The following ROBO2 variants were observed in gnomAD, a reference collection of about 807,000 sequenced individuals.
ROBO2 encodes roundabout guidance receptor 2.
In ROBO2, 53 loss-of-function variants were observed where a neutral mutation model predicts 160.8. The ratio of observed to expected loss-of-function variants is 0.33; its 90% CI spans 0.26 to 0.41. The LOEUF (loss-of-function observed/expected upper bound fraction) is 0.41. Among genes scored for constraint, ROBO2 ranks in the 10% least tolerant of loss-of-function variants. The pLI is 1.00. For missense variants in ROBO2, 1,577 were observed against 1,722.4 expected (o/e 0.92, Z 1.49); for synonymous variants, 664 against 611.7 (o/e 1.09, Z -1.26).
chr3:75,975,397 C>T (rs948257244), intron 2 of ROBO2, among the ~76,000 whole-genome samples: 4 of 151,170 alleles, frequency 2.6e-5, no homozygotes, highest in Non-Finnish European at 5.9e-5. Flanking sequence ...TTTGTCTACG[C>T]TTTATTTATA....
At chr3:77,101,545 A>G (rs2071932111) in intron 2 of ROBO2, among the ~76,000 whole-genome samples, 1 of 152,176 alleles carries the variant, frequency 6.6e-6, no homozygotes, top group Non-Finnish European at 1.5e-5. Context: ...AGTATATAGA[A>G]GTAGATGTGA....
rs557849896 is a variant in ROBO2, at chr3:77,153,610, A to G, written c.388+55270A>G. On this transcript the variant is annotated intron_variant, in intron 2 of 25. Transcript: ENST00000461745. ...CCTGATCACATGCAATAATGAGAGG[A>G]AGCCAGACTGGAAAAAGATGTCTCC... is the stretch of plus-strand genomic sequence containing the variant. Among the ~76,000 whole-genome samples, 7 of 152,236 alleles carry G rather than the reference A, an allele frequency of 4.6e-5. No homozygotes were observed. The East Asian group carries it at 1.2e-3, about 25-fold the overall frequency.
chr3:77,584,270 T>C (rs1005379211), intron 16 of ROBO2, among the ~76,000 whole-genome samples: 7 of 152,138 alleles, frequency 4.6e-5, no homozygotes, highest in African/African-American at 1.7e-4. Flanking sequence ...ACTGTATGGA[T>C]TGCGGTGCTC....
intron 2 of ROBO2, among the ~76,000 whole-genome samples, chr3:76,026,088 G>C (rs1439579011): frequency 1.3e-5 from 2 of 151,708 alleles, no homozygotes; most frequent in African/African-American, 4.8e-5. Flanking sequence ...TTCTCTTTTG[G>C]CTCCCCAGTA....
chr3:76,753,745 T>C lies in ROBO2; in HGVS notation c.110-344269T>C, dbSNP rs539692556. Among the ~76,000 whole-genome samples the C allele has an allele frequency of 2.6e-5, 4 of 152,006 alleles. No homozygotes were observed. The South Asian group carries it at 8.3e-4, about 32-fold the overall frequency. On this transcript the variant is annotated intron_variant, in intron 2 of 26. Coordinates refer to the ROBO2 transcript ENST00000487694. ...TGTTCTAATATTTTAACTTTTTTCA[T>C]TAAAATTTCCCCTGTCTCAATTATA...
At chr3:77,409,105 A>G (rs200602452) in intron 2 of ROBO2, among the ~76,000 whole-genome samples, 94 of 124,430 alleles carry the variant, frequency 7.6e-4, no homozygotes, top group Middle Eastern at 4.2e-3. Context: ...ATATATATGT[A>G]TATATATATA....
chr3:76,259,137 TTTTTG>T (rs1008732533), intron 2 of ROBO2, among the ~76,000 whole-genome samples: 3 of 152,076 alleles, frequency 2.0e-5, no homozygotes, highest in Admixed American at 6.6e-5. Context: ...CTGCTGGTGT[TTTTTG>T]TTTTGTTTTG....
chr3:77,309,153 C>G (rs2063339151), intron 2 of ROBO2, among the ~76,000 whole-genome samples: 1 of 151,258 alleles, frequency 6.6e-6, no homozygotes, highest in African/African-American at 2.4e-5. Context: ...GGCTTAAAAT[C>G]TAAGAAAACT....
intron 4 of ROBO2, among the ~76,000 whole-genome samples, chr3:77,488,389 C>A (rs950135864): frequency 2.0e-5 from 3 of 152,178 alleles, no homozygotes. Flanking sequence ...AAGCAGTCAG[C>A]AAACGACCCT....
intron 2 of ROBO2, chr3:76,311,132 A>T (rs936258399): frequency 1.3e-5 from 2 of 152,210 alleles, no homozygotes; most frequent in Non-Finnish European, 2.9e-5. Flanking sequence ...GATCCGTGAG[A>T]AATGTAGCTT....
chr3:76,645,060 A>C (rs1421289021), intron 2 of ROBO2, among the ~76,000 whole-genome samples: 1 of 152,206 alleles, frequency 6.6e-6, no homozygotes, highest in Admixed American at 6.5e-5. Context: ...CAATGTGTAC[A>C]GGCTCTGTGC....
At chr3:76,015,654 T>C (rs2066386038) in intron 2 of ROBO2, among the ~76,000 whole-genome samples, 1 of 152,206 alleles carries the variant, frequency 6.6e-6, no homozygotes. Flanking sequence ...CGACACAAAA[T>C]GGCCAGATGG....
chr3:76,944,442 T>C (rs906543567), intron 2 of ROBO2, among the ~76,000 whole-genome samples: 2 of 152,204 alleles, frequency 1.3e-5, no homozygotes, highest in Non-Finnish European at 2.9e-5. Flanking sequence ...AAATTGAAAT[T>C]GCAGTTTTAT....
Position 77,156,936 on chromosome 3 carries a change from C to T in ROBO2, c.388+58596C>T, listed in dbSNP as rs116582987. ...TCCCAAAGTTTGGTCCCCACAACAG[C>T]AACATCAATATCACTCGGGAACTTG... is the stretch of plus-strand genomic sequence containing the variant. On this transcript the variant is annotated intron_variant, in intron 2 of 25. Coordinates refer to ENST00000461745, the Ensembl canonical transcript of ROBO2. Among the ~76,000 whole-genome samples, 882 of 152,008 alleles carry T rather than the reference C, an allele frequency of 5.8e-3. 4 individuals carry two copies. Among genetic ancestry groups the T allele is most frequent in the Admixed American group, 8.7e-3 (133 of 15,246 alleles).
At position 77,145,902 on chromosome 3, in the gene ROBO2, G is replaced by A. The variant is rs915331356; in HGVS notation, c.388+47562G>A. Among the ~76,000 whole-genome samples the A allele has an allele frequency of 5.3e-5, 8 of 152,100 alleles. No individual in the cohort carries two copies. The East Asian group carries it at 1.2e-3, about 22-fold the overall frequency. ...TTGAACATTGGCTGTGGTCTGAGAC[G>A]CCTGGTATCTTGAGTTTCTGAGGTG... On this transcript the variant is annotated intron_variant, in intron 2 of 25. Coordinates refer to ENST00000461745, the Ensembl canonical transcript of ROBO2.
At chr3:77,294,441 CT>C (rs2061772307) in intron 2 of ROBO2, among the ~76,000 whole-genome samples, 1 of 132,976 alleles carries the variant, frequency 7.5e-6, no homozygotes, top group Non-Finnish European at 1.5e-5. Flanking sequence ...GCCTAGATCC[CT>C]AAAGACATAA....
At chr3:76,951,064 G>A (rs567422273) in intron 2 of ROBO2, among the ~76,000 whole-genome samples, 1 of 152,190 alleles carries the variant, frequency 6.6e-6, no homozygotes, top group East Asian at 1.9e-4. Flanking sequence ...TCTTTACTTT[G>A]AATAGAGATT....
At chr3:77,507,065 T>C (rs555634032) in intron 5 of ROBO2, among the ~76,000 whole-genome samples, 8 of 152,266 alleles carry the variant, frequency 5.3e-5, no homozygotes, top group African/African-American at 1.7e-4. Context: ...AGTTGCTGAA[T>C]TGGCGAAACT....
At chr3:77,219,497 A>G (rs1318639218) in intron 2 of ROBO2, among the ~76,000 whole-genome samples, 2 of 141,020 alleles carry the variant, frequency 1.4e-5, no homozygotes, top group African/African-American at 5.3e-5. Context: ...CTGTATATAT[A>G]TATATATATA....
Sources: allele counts gnomAD v4.1 joint callset (sites outside exome capture counted in the v4.1 genomes callset), GRCh38; gene constraint gnomAD v4.1.1; transcripts MANE v1.5; gene names NCBI Gene and HGNC (gene_info 2026-07-23, HGNC 2026-07-21).